The following IQCK variants were observed in gnomAD, a reference collection of about 807,000 sequenced individuals.
The protein encoded by IQCK is IQ domain-containing protein K.
IQCK carries 29 observed loss-of-function variants against 28.1 expected under a neutral mutation model. The observed-to-expected ratio is 1.03, with a 90% CI of 0.77 to 1.41. The LOEUF (loss-of-function observed/expected upper bound fraction) is 1.41, where lower values mean the gene tolerates loss of function less well. Ranked by LOEUF, IQCK falls within the 40% of genes most tolerant of loss-of-function variation. IQCK has a pLI of 0.00. For missense variants in IQCK, 359 were observed against 314.7 expected, an observed-to-expected ratio of 1.14 and a Z score of -1.07; for synonymous variants, 113 against 115.1, an observed-to-expected ratio of 0.98 and a Z score of 0.12.
At chr16:19,771,822 C>T (rs902063034) in intron 6 of IQCK, among the ~76,000 whole-genome samples, 64 of 152,220 alleles carry the variant, frequency 4.2e-4, no homozygotes, top group Admixed American at 4.0e-3. Flanking sequence ...CTGTCACTCA[C>T]GTTCACATTC....
intron 7 of IQCK, among the ~76,000 whole-genome samples, chr16:19,789,411 CA>C (rs59945289): frequency 9.0e-5 from 1 of 11,084 alleles, no homozygotes; most frequent in Non-Finnish European, 1.5e-4. Flanking sequence ...ACCCTGTCTC[CA>C]AAAAAAAAAA....
At chr16:19,839,731 C>T (rs2056343368) in intron 9 of IQCK, among the ~76,000 whole-genome samples, 1 of 152,096 alleles carries the variant, frequency 6.6e-6, no homozygotes, top group South Asian at 2.1e-4. Context: ...CACAGTGGCT[C>T]ACACCTGTAA....
chr16:19,740,401 G>A (rs1331177159), intron 4 of IQCK, among the ~76,000 whole-genome samples: 2 of 152,142 alleles, frequency 1.3e-5, no homozygotes, highest in Non-Finnish European at 2.9e-5. Context: ...GAATGGAAGG[G>A]GAGTGAGGCT....
At position 19,856,476 on chromosome 16, in the gene IQCK, T is replaced by A; in HGVS notation, c.803-11T>A. On this transcript the variant is annotated splice_polypyrimidine_tract_variant and intron_variant, in intron 9 of 9. Coordinates refer to the IQCK transcript ENST00000320394. ...AAATTGATCCTGACTTTCCCTTTCTTTTCTTTGCAGTGAAATGCAAAATGG... is the reference window on the plus strand; with the variant it reads ...AAATTGATCCTGACTTTCCCTTTCTATTCTTTGCAGTGAAATGCAAAATGG... 6.2e-7 allele frequency: 1 copy of A among 1,611,962 alleles called. No homozygotes were observed. The highest frequency in any genetic ancestry group is 8.5e-7 in the Non-Finnish European group (1 of 1,178,354).
At chr16:19,829,249 C>G (rs919936999), downstream of IQCK, among the ~76,000 whole-genome samples, 9 of 151,884 alleles carry the variant, frequency 5.9e-5, no homozygotes, top group African/African-American at 1.9e-4. Flanking sequence ...CCCCATCCTC[C>G]CTCAGTGGGC....
chr16:19,778,126 T>C (rs8058459), intron 6 of IQCK, among the ~76,000 whole-genome samples: 152,246 of 152,294 alleles, frequency 1, 76,099 homozygotes, highest in Middle Eastern at 1. Context: ...CAATCTTAGT[T>C]CCACCATTTA....
At chr16:19,740,692 C>T (rs1334820101) in intron 4 of IQCK, among the ~76,000 whole-genome samples, 8 of 152,012 alleles carry the variant, frequency 5.3e-5, no homozygotes, top group East Asian at 3.9e-4. Flanking sequence ...AATATCTGGC[C>T]GGGCACGGTG....
intron 7 of IQCK, among the ~76,000 whole-genome samples, chr16:19,804,635 A>G (rs572652599): frequency 2.6e-5 from 4 of 151,768 alleles, no homozygotes; most frequent in Non-Finnish European, 4.4e-5. Context: ...GAGTCTTGCC[A>G]TGTTGCCTGG....
chr16:19,815,171 C>T (rs541368618), intron 7 of IQCK, among the ~76,000 whole-genome samples: 1 of 152,174 alleles, frequency 6.6e-6, no homozygotes, highest in Non-Finnish European at 1.5e-5. Flanking sequence ...ATTCACCAGC[C>T]ACCCAACTGA....
intron 4 of IQCK, chr16:19,760,992 G>A (rs1440444952): frequency 5.8e-6 from 1 of 173,818 alleles, no homozygotes; most frequent in African/African-American, 2.4e-5. Context: ...GTAGCAGTGA[G>A]GATGCCCAGA....
chr16:19,775,226 CAAAAAAA>C (rs1269665221), intron 6 of IQCK, among the ~76,000 whole-genome samples: 2 of 82,424 alleles, frequency 2.4e-5, no homozygotes, highest in Admixed American at 1.4e-4. Flanking sequence ...GACTCTGTAT[CAAAAAAA>C]AAAAAAAAAA....
intron 9 of IQCK, among the ~76,000 whole-genome samples, chr16:19,838,755 A>T (rs2056328147): frequency 6.6e-6 from 1 of 152,182 alleles, no homozygotes; most frequent in Admixed American, 6.5e-5. Context: ...ACAGTGGTTC[A>T]TGCCTGTAAT....
downstream of IQCK, chr16:19,827,227 A>G (rs773378832): frequency 5.7e-6 from 5 of 883,974 alleles, no homozygotes; most frequent in Admixed American, 7.8e-5. Flanking sequence ...GAGCTTTTGT[A>G]AGGTCCTTGT....
At chr16:19,735,587 A>G in intron 4 of IQCK, 137 bp downstream of exon 4, 1 of 703,266 alleles carries the variant, frequency 1.4e-6, no homozygotes, top group South Asian at 1.7e-5. Flanking sequence ...GTTTGGGGTC[A>G]CTTACCCAGT....
chr16:19,751,995 G>C (rs1427814035), intron 4 of IQCK, among the ~76,000 whole-genome samples: 2 of 152,168 alleles, frequency 1.3e-5, no homozygotes, highest in Admixed American at 6.5e-5. Flanking sequence ...TGTTAAAATA[G>C]AACTTCAACA....
chr16:19,753,201 A>T (rs976149394), intron 4 of IQCK, among the ~76,000 whole-genome samples: 3 of 151,904 alleles, frequency 2.0e-5, no homozygotes, highest in African/African-American at 7.3e-5. Context: ...GAATTGCTTG[A>T]ACCCAGGAGA....
chr16:19,812,657 T>G (rs1343862247), intron 7 of IQCK, among the ~76,000 whole-genome samples: 1 of 152,116 alleles, frequency 6.6e-6, no homozygotes, highest in Non-Finnish European at 1.5e-5. Flanking sequence ...CTAATAGTTA[T>G]GAGCTCATAA....
intron 4 of IQCK, among the ~76,000 whole-genome samples, chr16:19,743,037 G>A (rs1567539345): frequency 6.6e-6 from 1 of 152,170 alleles, no homozygotes; most frequent in Non-Finnish European, 1.5e-5. Flanking sequence ...TGGGCATGGT[G>A]GCACGTGCCT....
At chr16:19,814,340 G>T (rs1295783221) in intron 7 of IQCK, among the ~76,000 whole-genome samples, 2 of 151,902 alleles carry the variant, frequency 1.3e-5, no homozygotes, top group African/African-American at 4.8e-5. Context: ...GGGAGGAAGA[G>T]GTTGCAGTGA....
Sources: gnomAD v4.1 joint callset for allele counts (sites outside exome capture counted in the v4.1 genomes callset) on GRCh38, gnomAD v4.1.1 for gene constraint, MANE v1.5 for transcripts, NCBI Gene and HGNC (gene_info 2026-07-23, HGNC 2026-07-21) for gene names.